STXBP5L: variants seen among roughly 807,000 people sequenced by gnomAD.
STXBP5L encodes the protein syntaxin-binding protein 5-like.
In STXBP5L, 65 loss-of-function variants were observed where a neutral mutation model predicts 144.5. The observed-to-expected ratio is 0.45, with a 90% CI of 0.37 to 0.55. The LOEUF (loss-of-function observed/expected upper bound fraction) is 0.55. STXBP5L is among the 20% of genes least tolerant of loss of function. STXBP5L has a pLI of 0.00. For synonymous variants in STXBP5L, 505 were observed against 469.6 expected (o/e 1.08, Z -0.97); for missense variants, 1,298 against 1,405.5 (o/e 0.92, Z 1.22).
chr3:121,394,898 A>T (rs2046690185), intron 22 of STXBP5L, among the ~76,000 whole-genome samples: 2 of 152,106 alleles, frequency 1.3e-5, no homozygotes. Flanking sequence ...GAGGGTTTTA[A>T]AGGATTTTTA....
rs1192140831 is a variant in STXBP5L at position 120,959,189 on chromosome 3, T to A, written c.287+4152T>A. Among the ~76,000 whole-genome samples, 4 of 152,076 alleles carry A rather than the reference T, an allele frequency of 2.6e-5. No individual in the cohort carries two copies. The East Asian group carries it at 7.7e-4, about 29-fold the overall frequency. ...GAATAAAATACCTAGGAATCCAACT[T>A]ACAAGGGACGTGAAGGACCTCTTCA... is the stretch of plus-strand genomic sequence containing the variant. On this transcript the variant is annotated intron_variant, in intron 3 of 26. Coordinates refer to ENST00000471454, the MANE Select transcript of STXBP5L (RefSeq NM_001308330.2).
chr3:120,958,701 A>G (rs1938345460), intron 3 of STXBP5L, among the ~76,000 whole-genome samples: 1 of 152,226 alleles, frequency 6.6e-6, no homozygotes, highest in Non-Finnish European at 1.5e-5. Flanking sequence ...ACAAAATTCA[A>G]CAGCCCTTCA....
At chr3:120,980,446 C>T (rs1470101901) in intron 3 of STXBP5L, among the ~76,000 whole-genome samples, 1 of 142,314 alleles carries the variant, frequency 7.0e-6, no homozygotes, top group Non-Finnish European at 1.5e-5. Flanking sequence ...ACTTTATCAC[C>T]ATATAATGTC....
At chr3:121,201,416 G>A (rs1360280055) in intron 9 of STXBP5L, among the ~76,000 whole-genome samples, 1 of 152,074 alleles carries the variant, frequency 6.6e-6, no homozygotes, top group Non-Finnish European at 1.5e-5. Flanking sequence ...GTCTTTACAT[G>A]TGAGATGGGT....
chr3:120,988,575 T>C (rs1469447975), intron 3 of STXBP5L, among the ~76,000 whole-genome samples: 1 of 152,118 alleles, frequency 6.6e-6, no homozygotes, highest in Non-Finnish European at 1.5e-5. Context: ...ACATGTATGT[T>C]GTTCTTTTGT....
intron 3 of STXBP5L, among the ~76,000 whole-genome samples, chr3:120,994,600 G>A (rs1324640017): frequency 6.6e-6 from 1 of 152,082 alleles, no homozygotes. Context: ...CTTTGCAAAT[G>A]TTGAAGTACC....
chr3:121,353,053 G>A (rs1207464587), intron 20 of STXBP5L, among the ~76,000 whole-genome samples: 2 of 152,162 alleles, frequency 1.3e-5, no homozygotes, highest in Non-Finnish European at 2.9e-5. Flanking sequence ...TGTTGGATAA[G>A]CTTTTTGATG....
At chr3:121,418,675 T>A in intron 26 of STXBP5L, 118 bp downstream of exon 26, 1 of 988,778 alleles carries the variant, frequency 1.0e-6, no homozygotes, top group Non-Finnish European at 1.5e-6. Flanking sequence ...AGAATCATGG[T>A]AACCTAGATC....
intron 3 of STXBP5L, among the ~76,000 whole-genome samples, chr3:120,956,409 T>A (rs997233937): frequency 6.6e-5 from 10 of 151,920 alleles, no homozygotes; most frequent in Non-Finnish European, 1.5e-4. Context: ...GTAACTTATA[T>A]AAGTGAAAGC....
intron 20 of STXBP5L, among the ~76,000 whole-genome samples, chr3:121,339,687 A>G (rs952560189): frequency 3.9e-5 from 6 of 152,164 alleles, no homozygotes; most frequent in African/African-American, 9.6e-5. Flanking sequence ...AGACTCCTAG[A>G]TTTGAGAAAT....
At chr3:121,342,735 C>T (rs1423700748) in intron 20 of STXBP5L, among the ~76,000 whole-genome samples, 1 of 148,578 alleles carries the variant, frequency 6.7e-6, no homozygotes, top group East Asian at 2.0e-4. Flanking sequence ...TTTTCTTAAT[C>T]CAGTCTATCA....
chr3:121,140,786 T>G (rs1031496213), intron 7 of STXBP5L, among the ~76,000 whole-genome samples: 1 of 152,162 alleles, frequency 6.6e-6, no homozygotes, highest in Admixed American at 6.5e-5. Context: ...AATAACATAA[T>G]TACAGTTATG....
At chr3:121,325,048 A>G (rs1047466882) in intron 20 of STXBP5L, among the ~76,000 whole-genome samples, 1 of 152,014 alleles carries the variant, frequency 6.6e-6, no homozygotes, top group Non-Finnish European at 1.5e-5. Flanking sequence ...TCTCTCAAAA[A>G]CAGTAAATGG....
chr3:121,044,422 A>G (rs11720216), intron 4 of STXBP5L, among the ~76,000 whole-genome samples: 19,872 of 152,148 alleles, frequency 0.13, 1,619 homozygotes, highest in Non-Finnish European at 0.19. Context: ...TAGCAATTTC[A>G]ATATCGTTCT....
At chr3:121,051,957 A>G (rs897745784) in intron 5 of STXBP5L, among the ~76,000 whole-genome samples, 1 of 152,224 alleles carries the variant, frequency 6.6e-6, no homozygotes, top group Admixed American at 6.5e-5. Context: ...AAACACCTCT[A>G]TGGAAATAAA....
intron 5 of STXBP5L, among the ~76,000 whole-genome samples, chr3:121,069,428 TA>T (rs2041702957): frequency 6.6e-6 from 1 of 152,166 alleles, no homozygotes; most frequent in Non-Finnish European, 1.5e-5. Flanking sequence ...ATTGTGAACT[TA>T]TTACAAGTAA....
At chr3:121,265,553 T>TA (rs1402569379) in intron 18 of STXBP5L, among the ~76,000 whole-genome samples, 2 of 151,704 alleles carry the variant, frequency 1.3e-5, no homozygotes, top group Non-Finnish European at 2.9e-5. Context: ...AATATCACAA[T>TA]AAAAAGAGCT....
rs148039465 is a variant in STXBP5L, at chr3:121,286,948, T to A, written c.2110+6992T>A. 1.4e-3 allele frequency among the ~76,000 whole-genome samples: 219 copies of A among 152,264 alleles called. 1 individual carries two copies. The highest frequency in any genetic ancestry group is 5.1e-3 in the African/African-American group (211 of 41,550). On this transcript the variant is annotated intron_variant, in intron 19 of 26. Transcript: ENST00000471454. ...AAGCCCAGGAGGAAACCACTGAGCT[T>A]TTTAGGCTGGGAGATGAAGATGAGA...
chr3:121,122,211 T>G (rs2044498672), intron 7 of STXBP5L, among the ~76,000 whole-genome samples: 1 of 149,476 alleles, frequency 6.7e-6, no homozygotes, highest in Admixed American at 6.7e-5. Flanking sequence ...GAAAATTAGA[T>G]ATTTTTAATA....
Sources: allele counts gnomAD v4.1 joint callset (sites outside exome capture counted in the v4.1 genomes callset), GRCh38; gene constraint gnomAD v4.1.1; transcripts MANE v1.5; gene names NCBI Gene and HGNC (gene_info 2026-07-23, HGNC 2026-07-21).